SLC36A1: variants seen among roughly 807,000 people sequenced by gnomAD.
SLC36A1 encodes the protein proton-coupled amino acid transporter 1.
A neutral mutation model predicts 47.5 loss-of-function variants in SLC36A1; 30 were observed. The ratio of observed to expected loss-of-function variants is 0.63; its 90% CI spans 0.47 to 0.86. The LOEUF is 0.86. Among genes scored for constraint, SLC36A1 ranks in the 40% least tolerant of loss-of-function variants. The probability of loss-of-function intolerance (pLI) is 0.00; values close to 1 mark genes in which losing one functional copy is unlikely to be tolerated. For missense variants in SLC36A1, 517 were observed against 606.0 expected (o/e 0.85, Z 1.54); for synonymous variants, 255 against 249.7 (o/e 1.02, Z -0.20).
the SLC36A1 span, among the ~76,000 whole-genome samples, chr5:151,550,158 G>A: frequency 3.3e-5 from 5 of 152,144 alleles, no homozygotes; most frequent in African/African-American, 1.2e-4. Context: ...GACTCTTGGG[G>A]TCATAAAAAT....
the SLC36A1 span, chr5:151,512,171 C>T: frequency 1.2e-5 from 20 of 1,611,636 alleles, no homozygotes; most frequent in African/African-American, 9.3e-5. This position sits in a 1 kb window ranked among gnomAD's most constrained non-coding sequence, Gnocchi z 4.1. Flanking sequence ...TCACCTGCCC[C>T]ATGGGTCCAT....
the SLC36A1 span, among the ~76,000 whole-genome samples, chr5:151,353,212 A>G: frequency 2.0e-5 from 3 of 152,216 alleles, no homozygotes; most frequent in Admixed American, 6.5e-5. Flanking sequence ...TATAGATATC[A>G]TAGACTCATA....
At chr5:151,505,699 C>T in the SLC36A1 span, 1 of 1,614,064 alleles carries the variant, frequency 6.2e-7, no homozygotes, top group Non-Finnish European at 8.5e-7. Flanking sequence ...TAAGAGGGCC[C>T]AGCTCGGCTG....
intron 10 of SLC36A1, among the ~76,000 whole-genome samples, chr5:151,483,526 T>TTAGGGGGGGG (rs1759124357): frequency 1.4e-5 from 2 of 140,752 alleles, no homozygotes; most frequent in South Asian, 2.2e-4. Context: ...GTGGGGGGGG[T>TTAGGGGGGGG]GATTAGGGGA....
the SLC36A1 span, among the ~76,000 whole-genome samples, chr5:151,359,946 T>G: frequency 6.6e-6 from 1 of 152,234 alleles, no homozygotes; most frequent in Admixed American, 6.5e-5. Flanking sequence ...TCTGGACGGT[T>G]TTTAGTTTTG....
chr5:151,470,250 A>G (rs1757130034), intron 7 of SLC36A1, among the ~76,000 whole-genome samples: 1 of 152,168 alleles, frequency 6.6e-6, no homozygotes, highest in African/African-American at 2.4e-5. Context: ...ACTAAAGATG[A>G]ATTGAGTGAG....
At chr5:151,546,364 T>C in the SLC36A1 span, 10 of 1,571,774 alleles carry the variant, frequency 6.4e-6, no homozygotes, top group South Asian at 1.0e-4. Flanking sequence ...GACAAACAAG[T>C]TTGCCACACC....
chr5:151,467,593 A>T (rs1183913211), intron 6 of SLC36A1, 114 bp from the exon 7 acceptor site: 2 of 849,524 alleles, frequency 2.4e-6, no homozygotes. Flanking sequence ...CACAGATTCT[A>T]AAAGGCCTTG....
the SLC36A1 span, among the ~76,000 whole-genome samples, chr5:151,506,388 C>T: frequency 6.6e-6 from 1 of 152,232 alleles, no homozygotes; most frequent in Non-Finnish European, 1.5e-5. Flanking sequence ...CCCACCCCCA[C>T]AGCTGGATAC....
chr5:151,507,897 G>A, the SLC36A1 span, among the ~76,000 whole-genome samples: 1 of 152,132 alleles, frequency 6.6e-6, no homozygotes, highest in African/African-American at 2.4e-5. Context: ...TCTATCATGA[G>A]GTCGGATTTC....
At chr5:151,440,851 A>G (rs1752583000) in intron 1 of SLC36A1, among the ~76,000 whole-genome samples, 2 of 152,182 alleles carry the variant, frequency 1.3e-5, no homozygotes, top group African/African-American at 4.8e-5. Flanking sequence ...ATTACTTTCT[A>G]CCACTCAGCA....
intron 1 of SLC36A1, among the ~76,000 whole-genome samples, chr5:151,453,161 A>G (rs912974218): frequency 3.3e-5 from 5 of 152,052 alleles, no homozygotes; most frequent in African/African-American, 4.8e-5. Context: ...CCAAGATCGC[A>G]CCACTGCACT....
At chr5:151,374,909 G>GT in the SLC36A1 span, among the ~76,000 whole-genome samples, 1,324 of 142,476 alleles carry the variant, frequency 9.3e-3, 9 homozygotes, top group Middle Eastern at 0.018. Flanking sequence ...TAATGTTGGG[G>GT]TTTTTTTTTT....
chr5:151,386,291 T>G, the SLC36A1 span, among the ~76,000 whole-genome samples: 1 of 152,196 alleles, frequency 6.6e-6, no homozygotes, highest in Non-Finnish European at 1.5e-5. Context: ...TGGCTTATAC[T>G]CTGAGGTTGG....
chr5:151,438,147 G>A (rs1201152441), intron 1 of SLC36A1, among the ~76,000 whole-genome samples: 1 of 152,016 alleles, frequency 6.6e-6, no homozygotes, highest in Non-Finnish European at 1.5e-5. Flanking sequence ...ATTAATTAAC[G>A]TCTTTGGGAG....
At chr5:151,436,485 A>C (rs1759783411), upstream of SLC36A1, among the ~76,000 whole-genome samples, 1 of 151,944 alleles carries the variant, frequency 6.6e-6, no homozygotes, top group African/African-American at 2.4e-5. Context: ...GGTCTAAGTG[A>C]GGGGTCACAG....
intron 10 of SLC36A1, among the ~76,000 whole-genome samples, chr5:151,487,226 G>A (rs1044893202): frequency 1.2e-4 from 19 of 152,312 alleles, no homozygotes; most frequent in East Asian, 3.9e-4. Context: ...GGGTGTATTC[G>A]GTGAAGCCTC....
the SLC36A1 span, among the ~76,000 whole-genome samples, chr5:151,548,934 A>G: frequency 1.3e-5 from 2 of 152,246 alleles, no homozygotes; most frequent in Non-Finnish European, 2.9e-5. Context: ...AATTACTTCT[A>G]AAACTATGCC....
chr5:151,528,677 A>C, the SLC36A1 span, among the ~76,000 whole-genome samples: 1 of 152,122 alleles, frequency 6.6e-6, no homozygotes, highest in Non-Finnish European at 1.5e-5. Context: ...CAGGGAGTGG[A>C]GGGAGAGACT....
Sources: allele counts gnomAD v4.1 joint callset (sites outside exome capture counted in the v4.1 genomes callset), GRCh38; gene constraint gnomAD v4.1.1; non-coding constraint Gnocchi (gnomAD v3.1); transcripts MANE v1.5; gene names NCBI Gene and HGNC (gene_info 2026-07-23, HGNC 2026-07-21).